The following CGNL1 variants were observed in gnomAD, a reference collection of about 807,000 sequenced individuals.
The protein encoded by CGNL1 is cingulin-like protein 1.
CGNL1 carries 132 observed loss-of-function variants against 141.2 expected under a neutral mutation model. The ratio of observed to expected loss-of-function variants is 0.93; its 90% confidence interval spans 0.81 to 1.08. The LOEUF is 1.08. Among genes scored for constraint, CGNL1 ranks in the 50% least tolerant of loss-of-function variants. CGNL1 has a pLI of 0.00. For synonymous variants in CGNL1, 690 were observed against 622.1 expected (o/e 1.11, Z -1.63); for missense variants, 1,870 against 1,588.6 (o/e 1.18, Z -3.01).
chr15:57,432,208 C>T (rs2063053148), intron 1 of CGNL1, among the ~76,000 whole-genome samples: 2 of 152,134 alleles, frequency 1.3e-5, no homozygotes, highest in African/African-American at 4.8e-5. Flanking sequence ...TTTCAGATTG[C>T]CTGGTTGCAT....
At chr15:57,484,974 T>A (rs2063769527) in intron 8 of CGNL1, among the ~76,000 whole-genome samples, 1 of 151,944 alleles carries the variant, frequency 6.6e-6, no homozygotes, top group South Asian at 2.1e-4. Flanking sequence ...TGATTTCTGT[T>A]CTTTATTATT....
intron 8 of CGNL1, among the ~76,000 whole-genome samples, chr15:57,473,526 C>A (rs1230753996): frequency 6.6e-6 from 1 of 152,158 alleles, no homozygotes; most frequent in Non-Finnish European, 1.5e-5. Context: ...CATTATAGTC[C>A]CTTCCCATGT....
chr15:57,411,869 G>A (rs1249371460), intron 1 of CGNL1, among the ~76,000 whole-genome samples: 1 of 151,988 alleles, frequency 6.6e-6, no homozygotes, highest in African/African-American at 2.4e-5. Flanking sequence ...GAGAGCCTTG[G>A]TGCTGTCTTC....
intron 14 of CGNL1, among the ~76,000 whole-genome samples, chr15:57,543,248 G>C (rs779787259): frequency 1.8e-5 from 2 of 112,106 alleles, no homozygotes; most frequent in African/African-American, 2.7e-5. Flanking sequence ...ATCTTCACGT[G>C]GCCGTCTTCC....
chr15:57,424,125 G>T (rs183593726), intron 1 of CGNL1, among the ~76,000 whole-genome samples: 52 of 152,312 alleles, frequency 3.4e-4, no homozygotes, highest in Middle Eastern at 3.4e-3. Flanking sequence ...TAGCTGCTCT[G>T]CCCTCCGCGT....
chr15:57,546,789 T>G (rs1271249373), intron 18 of CGNL1, among the ~76,000 whole-genome samples: 1 of 152,096 alleles, frequency 6.6e-6, no homozygotes, highest in Non-Finnish European at 1.5e-5. Flanking sequence ...TTCATGAGAT[T>G]AGGTTCATGG....
At chr15:57,449,322 A>G (rs1384574928) in intron 4 of CGNL1, among the ~76,000 whole-genome samples, 3 of 152,224 alleles carry the variant, frequency 2.0e-5, no homozygotes, top group Admixed American at 6.5e-5. Flanking sequence ...CCTGTTGCTT[A>G]CTATCTCTAA....
chr15:57,528,320 T>C (rs1481252371), intron 12 of CGNL1, among the ~76,000 whole-genome samples: 3 of 152,092 alleles, frequency 2.0e-5, no homozygotes, highest in Non-Finnish European at 4.4e-5. Flanking sequence ...TGCACAAATA[T>C]ATGAATGTCT....
intron 10 of CGNL1, among the ~76,000 whole-genome samples, chr15:57,522,380 T>C (rs1164083733): frequency 1.3e-5 from 2 of 152,222 alleles, no homozygotes; most frequent in African/African-American, 4.8e-5. Context: ...TGGAATGTTT[T>C]CAAGATCCTG....
At chr15:57,436,687 G>A (rs1377931866) in intron 1 of CGNL1, among the ~76,000 whole-genome samples, 2 of 152,056 alleles carry the variant, frequency 1.3e-5, no homozygotes, top group Non-Finnish European at 2.9e-5. Context: ...ACAAAGGAAA[G>A]TGGAAGGAAA....
chr15:57,417,203 C>G (rs1317775985), intron 1 of CGNL1, among the ~76,000 whole-genome samples: 1 of 152,038 alleles, frequency 6.6e-6, no homozygotes, highest in African/African-American at 2.4e-5. Context: ...CACTAAATAC[C>G]TAATTGTTTA....
chr15:57,543,810 C>G (rs757539605), intron 15 of CGNL1, 31 bp downstream of exon 15: 3 of 1,539,288 alleles, frequency 1.9e-6, no homozygotes, highest in South Asian at 2.2e-5. Context: ...AGCTGCCCCC[C>G]CGTCCATCCG....
chr15:57,378,140 A>G (rs533386469), intron 1 of CGNL1, among the ~76,000 whole-genome samples: 1 of 152,226 alleles, frequency 6.6e-6, no homozygotes, highest in African/African-American at 2.4e-5. Flanking sequence ...AGTAGGACTA[A>G]GGAAAATGTA....
chr15:57,547,181 G>A (rs1257572047), intron 18 of CGNL1, among the ~76,000 whole-genome samples, 174 bp from the exon 19 acceptor site: 1 of 152,306 alleles, frequency 6.6e-6, no homozygotes, highest in African/African-American at 2.4e-5. Context: ...TGGGGGCGGT[G>A]GACTCCCTGT....
At chr15:57,533,042 CCCTGCTCA>C (rs2032041589) in intron 14 of CGNL1, among the ~76,000 whole-genome samples, 1 of 152,222 alleles carries the variant, frequency 6.6e-6, no homozygotes, top group Admixed American at 6.5e-5. Context: ...GAGCAGGCAG[CCCTGCTCA>C]AAGTAGAACG....
chr15:57,508,596 T>C (rs188680637), intron 8 of CGNL1, among the ~76,000 whole-genome samples: 2 of 152,256 alleles, frequency 1.3e-5, no homozygotes, highest in East Asian at 3.8e-4. Context: ...GTGAGCTGGC[T>C]GCAAAGCCTG....
intron 8 of CGNL1, among the ~76,000 whole-genome samples, chr15:57,484,473 T>G (rs117435437): frequency 6.6e-6 from 1 of 152,204 alleles, no homozygotes; most frequent in African/African-American, 2.4e-5. Flanking sequence ...TATCCTTTTT[T>G]TCTTTGTCAG....
At chr15:57,491,154 G>T (rs541283499) in intron 8 of CGNL1, among the ~76,000 whole-genome samples, 2 of 152,292 alleles carry the variant, frequency 1.3e-5, no homozygotes, top group South Asian at 4.1e-4. Flanking sequence ...ATCAGGATTA[G>T]TTCATTCATT....
intron 1 of CGNL1, among the ~76,000 whole-genome samples, chr15:57,430,395 G>A (rs1393953947): frequency 1.3e-5 from 2 of 152,192 alleles, no homozygotes; most frequent in African/African-American, 4.8e-5. Context: ...AAGGATGAAT[G>A]ACTTATCTAA....
Sources: gnomAD v4.1 joint callset for allele counts (sites outside exome capture counted in the v4.1 genomes callset) on GRCh38, gnomAD v4.1.1 for gene constraint, MANE v1.5 for transcripts, NCBI Gene and HGNC (gene_info 2026-07-23, HGNC 2026-07-21) for gene names.